Variants in TMPO observed in about 807,000 individuals in gnomAD.
TMPO encodes the protein thymopoietin, also known as LEM domain containing 4.
Under a neutral mutation model 45.4 loss-of-function variants are expected in TMPO, and 22 were observed. That is an observed-to-expected ratio of 0.48 (90% CI 0.35 to 0.69). The LOEUF (loss-of-function observed/expected upper bound fraction) is 0.69, where lower values mean the gene tolerates loss of function less well. Among genes scored for constraint, TMPO ranks in the 30% least tolerant of loss-of-function variants. The pLI, the probability that TMPO is intolerant of heterozygous loss-of-function variation, is 0.01. For synonymous variants in TMPO, 241 were observed against 204.1 expected (o/e 1.18, Z -1.54); for missense variants, 512 against 548.8 (o/e 0.93, Z 0.67).
chr12:98,524,552 G>A (rs1346939737), intron 1 of TMPO, among the ~76,000 whole-genome samples: 4 of 151,656 alleles, frequency 2.6e-5, no homozygotes, highest in African/African-American at 7.3e-5. Context: ...CAGCCTGGGC[G>A]AGAGAGTTAA....
rs3213900 is a variant in TMPO, at chr12:98,532,087, C to A, written c.565+249C>A. On this transcript the variant is annotated intron_variant, in intron 3 of 8. Coordinates refer to ENST00000556029, the MANE Select transcript of TMPO (RefSeq NM_001032283.3). Reference sequence around the variant, plus strand: ...ACTTTGTCTTTTTTGCTACAAATCTCATTTTTCTGAGAGAATAAAGTATTA... The same window carrying A: ...ACTTTGTCTTTTTTGCTACAAATCTAATTTTTCTGAGAGAATAAAGTATTA... The A allele has an allele frequency of 0.18, 77,990 of 428,716 alleles. 8,221 individuals carry two copies. Among genetic ancestry groups the A allele is most frequent in the East Asian group, 0.37 (7,698 of 20,926 alleles). 26.6% of individuals were successfully genotyped at this position (428,716 alleles called of 1,614,324 possible).
intron 7 of TMPO, among the ~76,000 whole-genome samples, chr12:98,545,507 G>A (rs984573346): frequency 1.3e-5 from 2 of 152,098 alleles, no homozygotes; most frequent in Non-Finnish European, 2.9e-5. Context: ...ACTGCATGGT[G>A]CATTTTAATT....
intron 3 of TMPO, chr12:98,534,210 A>C: frequency 6.2e-7 from 1 of 1,614,008 alleles, no homozygotes; most frequent in Admixed American, 1.7e-5. Flanking sequence ...TAGGTCGTCG[A>C]TACCTCTGGC....
In TMPO at chr12:98,544,434, A is replaced by G; in HGVS notation, c.784-8A>G. 1 of 1,613,510 alleles carries G rather than the reference A, an allele frequency of 6.2e-7. No individual in the cohort carries two copies. Among genetic ancestry groups the G allele is most frequent in the Non-Finnish European group, 8.5e-7 (1 of 1,179,574 alleles). On this transcript the variant is annotated splice_region_variant and splice_polypyrimidine_tract_variant and intron_variant, in intron 5 of 8. Transcript: ENST00000556029. ...TTTATTGTTTTTGTTTTGTTTTCAA[A>G]CTAACAGGTGGAAACTTCAGAACAT... is the stretch of plus-strand genomic sequence containing the variant.
chr12:98,535,983 G>A (rs555349031), intron 3 of TMPO, among the ~76,000 whole-genome samples: 3 of 152,066 alleles, frequency 2.0e-5, no homozygotes, highest in Non-Finnish European at 2.9e-5. Context: ...ATATTGCTGG[G>A]GGTTGTACCA....
At chr12:98,537,107 A>G (rs1035410189) in intron 3 of TMPO, among the ~76,000 whole-genome samples, 1 of 152,286 alleles carries the variant, frequency 6.6e-6, no homozygotes. Flanking sequence ...AAACAATGGT[A>G]ACAATTGTGT....
intron 8 of TMPO, among the ~76,000 whole-genome samples, chr12:98,546,661 A>T (rs1331263498): frequency 1.3e-5 from 2 of 152,098 alleles, no homozygotes; most frequent in African/African-American, 4.8e-5. Flanking sequence ...GGGCAACATA[A>T]TGAGACTCTG....
At chr12:98,540,387 TTTTG>T (rs552864315) in intron 4 of TMPO, among the ~76,000 whole-genome samples, 13 of 152,074 alleles carry the variant, frequency 8.5e-5, no homozygotes, top group Non-Finnish European at 1.3e-4. Flanking sequence ...TTGTTTTTGT[TTTTG>T]TTTGTTTGTT....
rs772509210 is a variant in TMPO, at chr12:98,527,924, T to A, written c.318T>A (p.Asp106Glu). 62 of 1,613,936 alleles carry A rather than the reference T, an allele frequency of 3.8e-5. No homozygotes were observed. Among genetic ancestry groups the A allele is most frequent in the South Asian group, 3.2e-4 (29 of 91,072 alleles). The stretch of plus-strand genomic sequence containing the variant: ...AAACTGATAAACCCAGACAAGAAGA[T>A]AAAGATGATCTAGATGTAACAGAGC... ...TKKTDKPRQE[D>E]KDDLDVTELT... is the part of the protein sequence containing the mutation. Residue 106 changes from aspartate to glutamate, a missense_variant, in exon 2 of 9, where the codon GAT becomes GAA. Around this residue, in one of 3 missense-constraint regions of TMPO, gnomAD observed 299 missense variants for 296.7 expected, o/e 1.01. Coordinates refer to ENST00000556029, the MANE Select transcript of TMPO (RefSeq NM_001032283.3).
chr12:98,541,320 G>A (rs1877901586), intron 4 of TMPO, among the ~76,000 whole-genome samples: 1 of 152,190 alleles, frequency 6.6e-6, no homozygotes, highest in Non-Finnish European at 1.5e-5. Flanking sequence ...GGTCTTTTCA[G>A]TAGGTAGTGC....
chr12:98,516,174 G>A (rs1403351106), intron 1 of TMPO, 28 bp downstream of exon 1: 6 of 1,337,072 alleles, frequency 4.5e-6, no homozygotes, highest in Non-Finnish European at 5.7e-6. Flanking sequence ...GGGCTACAAA[G>A]GCGGGCGTTT....
intron 2 of TMPO, among the ~76,000 whole-genome samples, chr12:98,531,130 G>GGGTTTCACCATGTTGGTCAGGCTT: frequency 6.6e-6 from 1 of 151,742 alleles, no homozygotes; most frequent in Non-Finnish European, 1.5e-5. Flanking sequence ...GGTAGAGACT[G>GGGTTTCACCATGTTGGTCAGGCTT]GGTTTCACCA....
chr12:98,529,064 T>C lies in TMPO; in HGVS notation c.406+1052T>C, dbSNP rs545033334. On this transcript the variant is annotated intron_variant, in intron 2 of 8. Coordinates refer to ENST00000556029, the MANE Select transcript of TMPO (RefSeq NM_001032283.3). The stretch of plus-strand genomic sequence containing the variant: ...CTAGCCTAGTACCCTATTTTTTTTT[T>C]TTTTTTGAGACGGGGTTTCGCTCTT... 8.9e-4 allele frequency among the ~76,000 whole-genome samples: 136 copies of C among 152,024 alleles called. 1 individual carries two copies. Among genetic ancestry groups the C allele is most frequent in the African/African-American group, 2.9e-3 (120 of 41,506 alleles).
intron 1 of TMPO, 145 bp downstream of exon 1, chr12:98,516,291 T>A: frequency 8.1e-7 from 1 of 1,239,670 alleles, no homozygotes; most frequent in Non-Finnish European, 1.0e-6. Context: ...CGTCGCCCCT[T>A]CCCCGCGGGG....
chr12:98,541,107 T>C (rs1331766347), intron 4 of TMPO, among the ~76,000 whole-genome samples: 1 of 152,242 alleles, frequency 6.6e-6, no homozygotes, highest in African/African-American at 2.4e-5. Flanking sequence ...TTCCTGTATT[T>C]TTTAATTCCT....
chr12:98,516,468 C>T (rs962616598), intron 1 of TMPO: 1 of 1,128,142 alleles, frequency 8.9e-7, no homozygotes, highest in Non-Finnish European at 1.1e-6. Flanking sequence ...TAGACGGGGA[C>T]TTCCGTGCCC....
At chr12:98,541,059 A>G (rs775749123) in intron 4 of TMPO, among the ~76,000 whole-genome samples, 1 of 152,024 alleles carries the variant, frequency 6.6e-6, no homozygotes, top group Non-Finnish European at 1.5e-5. Context: ...TGATGTTCAC[A>G]TTGTGCCATC....
At chr12:98,519,841 A>G (rs1344307520) in intron 1 of TMPO, among the ~76,000 whole-genome samples, 2 of 152,210 alleles carry the variant, frequency 1.3e-5, no homozygotes, top group African/African-American at 2.4e-5. Context: ...ATAATAATTT[A>G]TGTGTAAAAT....
rs7135956 is a variant in TMPO at position 98,527,565 on chromosome 12, C to T, written c.280-321C>T. 0.34 allele frequency: 68,212 copies of T among 201,938 alleles called. 12,444 individuals are homozygous for T. Among genetic ancestry groups the T allele is most frequent in the Non-Finnish European group, 0.36 (36,715 of 101,042 alleles). The allele number at this position is 201,938 out of a possible 1,614,324, so 12.5% of individuals were successfully genotyped here. A position where few individuals can be genotyped will look rare whatever the true frequency, so the allele number is the denominator to read the frequency against. Reference sequence around the variant, plus strand: ...AAAGGTTATTTAAAAGAAAATGTTACCCAAAGTCAGTTTTACTTTTAGTTG... The same window carrying T: ...AAAGGTTATTTAAAAGAAAATGTTATCCAAAGTCAGTTTTACTTTTAGTTG... On this transcript the variant is annotated intron_variant, in intron 1 of 8. Coordinates refer to ENST00000556029, the MANE Select transcript of TMPO (RefSeq NM_001032283.3).
Sources: allele counts gnomAD v4.1 joint callset (sites outside exome capture counted in the v4.1 genomes callset), GRCh38; gene constraint gnomAD v4.1.1; regional missense constraint gnomAD v4.1.1; transcripts MANE v1.5; gene names NCBI Gene and HGNC (gene_info 2026-07-23, HGNC 2026-07-21).